Variants in ICAM2 observed in about 807,000 individuals in gnomAD.
The protein encoded by ICAM2 is ICAM-2.
ICAM2 carries 14 observed loss-of-function variants against 19.1 expected under a neutral mutation model. The observed-to-expected ratio is 0.73, with a 90% confidence interval of 0.48 to 1.15. The LOEUF (loss-of-function observed/expected upper bound fraction) is 1.15, where lower values mean the gene tolerates loss of function less well. Among genes scored for constraint, ICAM2 ranks in the 50% most tolerant of loss-of-function variants. ICAM2 has a pLI of 0.00. For missense variants in ICAM2, 311 were observed against 355.4 expected (o/e 0.88, Z 1.00); for synonymous variants, 153 against 152.7 (o/e 1.00, Z -0.01).
intron 2 of ICAM2, chr17:64,006,251 C>T (rs1481711754): frequency 2.7e-5 from 5 of 182,382 alleles, no homozygotes; most frequent in Non-Finnish European, 1.1e-5. Flanking sequence ...GGCATGGTGG[C>T]TCATGCCTGT....
chr17:64,011,636 T>G (rs1911457972), intron 1 of ICAM2, among the ~76,000 whole-genome samples: 2 of 152,042 alleles, frequency 1.3e-5, no homozygotes, highest in Admixed American at 1.3e-4. Context: ...TGATGGCTCA[T>G]GTCTGTAATC....
At position 64,013,506 on chromosome 17, in the gene ICAM2, A is replaced by G. The variant is rs9910164; in HGVS notation, c.-44-6771T>C. On this transcript the variant is annotated intron_variant, in intron 1 of 4. Transcript: ENST00000579788. ...ATAGGGTGAGTTCCTATCTCAAAAA[A>G]GAAAAAAAAAATACTAAAACACAAA... 5.2e-3 allele frequency among the ~76,000 whole-genome samples: 787 copies of G among 151,340 alleles called. 3 individuals are homozygous for G. Among genetic ancestry groups the G allele is most frequent in the African/African-American group, 0.018 (749 of 40,706 alleles).
At position 64,003,813 on chromosome 17, in the gene ICAM2, G is replaced by A; in HGVS notation, c.480C>T (p.Thr160=). 1 of 1,614,246 alleles carries A rather than the reference G, an allele frequency of 6.2e-7. No homozygotes were observed. The highest frequency in any genetic ancestry group is 8.5e-7 in the Non-Finnish European group (1 of 1,180,054). The change falls in exon 4 of 5, where the codon ACC becomes ACT. Residue 160 remains threonine (T), a synonymous_variant. Transcript: ENST00000579788. ...GCGGAGCAGGGGCTGCCTTCCCGAA[G>A]GTCTCATAGTGCAGAGTCTCATTGC... The part of the protein sequence containing the change: ...FRGNETLHYE[T]FGKAAPAPQE...
In ICAM2 at chr17:64,006,436, G is replaced by A. The variant is rs995499359; in HGVS notation, c.61+195C>T. 1.1e-4 allele frequency: 64 copies of A among 576,960 alleles called. No individual in the cohort carries two copies. The East Asian group carries it at 1.7e-3, about 16-fold the overall frequency. 35.7% of individuals were successfully genotyped at this position (576,960 alleles called of 1,614,324 possible). A position where few individuals can be genotyped will look rare whatever the true frequency, so the allele number is the denominator to read the frequency against. On this transcript the variant is annotated intron_variant, in intron 2 of 4. Transcript: ENST00000579788. The stretch of plus-strand genomic sequence containing the variant: ...GAGGATCACCCGAGCCCAGGGAGGT[G>A]CAGTGAGCCATGATCATGCCACTGT...
chr17:64,017,278 T>A (rs150556606), intron 1 of ICAM2, among the ~76,000 whole-genome samples: 244 of 152,314 alleles, frequency 1.6e-3, no homozygotes, highest in African/African-American at 5.8e-3. Flanking sequence ...AGCTAAAAGA[T>A]CAATATTCAA....
intron 1 of ICAM2, chr17:64,007,719 T>C (rs1308199342): frequency 1.3e-5 from 2 of 152,260 alleles, no homozygotes; most frequent in African/African-American, 2.4e-5. Flanking sequence ...CCCCAAACCA[T>C]GGCCTTCATT....
At chr17:64,014,002 C>T (rs988781087) in intron 1 of ICAM2, among the ~76,000 whole-genome samples, 6 of 151,850 alleles carry the variant, frequency 4.0e-5, no homozygotes, top group East Asian at 1.9e-4. Context: ...AGTTTTAAAA[C>T]GCTTATATAT....
Position 64,005,370 on chromosome 17 carries a change from G to T in ICAM2, c.65C>A (p.Ser22Ter), listed in dbSNP as rs375032305. 1 of 1,611,882 alleles carries T rather than the reference G, an allele frequency of 6.2e-7. No homozygotes were observed. The highest frequency in any genetic ancestry group is 1.1e-5 in the South Asian group (1 of 91,008). The change falls in exon 3 of 5, where the codon TCG (serine) becomes TAG (stop). Residue 22 changes from serine (S) to a stop codon, truncating the protein, a stop_gained. Coordinates refer to ENST00000579788, the MANE Select transcript of ICAM2 (RefSeq NM_001099789.2). LOFTEE classifies it high-confidence loss of function. ...GTGTACCTCGAATACCTTCTCATCC[G>T]ATCCTGGAAAACCAGAAACACTGGG... ...ALFTLICCPG[S>*]DEKVFEVHVR...
Position 64,004,609 on chromosome 17 carries a change from C to G in ICAM2, c.328+498G>C, listed in dbSNP as rs537544178. On this transcript the variant is annotated intron_variant, in intron 3 of 4. Coordinates refer to ENST00000579788, the MANE Select transcript of ICAM2 (RefSeq NM_001099789.2). The stretch of plus-strand genomic sequence containing the variant: ...TGATGGAATGGACCCAGGTGATACC[C>G]TTAGCGCCAAGATGTCCTATCCCAG... The G allele has an allele frequency of 3.4e-5, 7 of 206,350 alleles. No homozygotes were observed. In the South Asian group the frequency reaches 6.6e-4, roughly 20 times the overall value. 12.8% of individuals were successfully genotyped at this position (206,350 alleles called of 1,614,324 possible).
chr17:64,007,308 C>CTGGA (rs1330034407), intron 1 of ICAM2, among the ~76,000 whole-genome samples: 3 of 151,832 alleles, frequency 2.0e-5, no homozygotes, highest in African/African-American at 7.3e-5. Context: ...GTCGCCCAGG[C>CTGGA]TGGAGTGCTG....
chr17:64,014,333 A>AGG (rs60825186), intron 1 of ICAM2, among the ~76,000 whole-genome samples: 2,774 of 44,106 alleles, frequency 0.063, 63 homozygotes, highest in East Asian at 0.077. Context: ...GAAGGAAGGA[A>AGG]AGAAAGAAAG....
intron 1 of ICAM2, among the ~76,000 whole-genome samples, chr17:64,014,330 G>GGAAAGAAA (rs1187209016): frequency 1.0e-3 from 32 of 31,148 alleles, no homozygotes; most frequent in African/African-American, 3.5e-3. Flanking sequence ...AAGGAAGGAA[G>GGAAAGAAA]GAAAGAAAGA....
intron 1 of ICAM2, among the ~76,000 whole-genome samples, chr17:64,019,244 G>GCGC (rs1911845156): frequency 6.6e-6 from 1 of 152,094 alleles, no homozygotes; most frequent in Non-Finnish European, 1.5e-5. Context: ...GCATAGCCAG[G>GCGC]TGCAGCAGTT....
Position 64,020,528 on chromosome 17 carries a change from T to C in ICAM2, c.-50A>G. The C allele has an allele frequency of 6.6e-6, 1 of 152,324 alleles. No homozygotes were observed. The highest frequency in any genetic ancestry group is 2.4e-5 in the African/African-American group (1 of 41,566). The allele number at this position is 152,324 out of a possible 1,614,324, so 9.4% of individuals were successfully genotyped here. A position where few individuals can be genotyped will look rare whatever the true frequency, so the allele number is the denominator to read the frequency against. Reference sequence around the variant, plus strand: ...AGTGAGAAGCTCAACCTTACCCCTGTGGGCTCCAAGAAGGGTAGCTCTGGG... The same window carrying C: ...AGTGAGAAGCTCAACCTTACCCCTGCGGGCTCCAAGAAGGGTAGCTCTGGG... On this transcript the variant is annotated 5_prime_UTR_variant, in exon 1 of 5. Coordinates refer to ENST00000579788, the MANE Select transcript of ICAM2 (RefSeq NM_001099789.2).
intron 1 of ICAM2, 77 bp from the exon 2 acceptor site, chr17:64,006,812 C>T: frequency 1.2e-6 from 1 of 833,308 alleles, no homozygotes; most frequent in Admixed American, 2.3e-5. Flanking sequence ...GACTGCATTT[C>T]CTCTCATTAT....
intron 1 of ICAM2, among the ~76,000 whole-genome samples, chr17:64,011,287 C>G (rs1911442515): frequency 6.6e-6 from 1 of 152,056 alleles, no homozygotes; most frequent in Admixed American, 6.6e-5. Context: ...ACGGTGAAAC[C>G]CTGTCTCTAC....
chr17:64,014,753 GAAAGAAAGAAAGAA>G (rs1567849907), intron 1 of ICAM2, among the ~76,000 whole-genome samples: 35 of 147,060 alleles, frequency 2.4e-4, no homozygotes, highest in South Asian at 6.6e-4. Flanking sequence ...AAGAAAGAAA[GAAAGAAAGAAAGAA>G]AAAGAAAGAA....
chr17:64,016,921 T>C (rs1335066039), intron 1 of ICAM2, among the ~76,000 whole-genome samples: 3 of 152,198 alleles, frequency 2.0e-5, no homozygotes, highest in East Asian at 1.9e-4. Context: ...ATTAAAAAAA[T>C]TGACAACATT....
chr17:64,005,426 C>T, intron 2 of ICAM2, 53 bp from the exon 3 acceptor site: 4 of 1,579,968 alleles, frequency 2.5e-6, no homozygotes, highest in Non-Finnish European at 3.4e-6. Flanking sequence ...CCCCTGCCCT[C>T]CAGTGGAGCT....
Sources: allele counts gnomAD v4.1 joint callset (sites outside exome capture counted in the v4.1 genomes callset), GRCh38; gene constraint gnomAD v4.1.1; transcripts MANE v1.5; gene names NCBI Gene and HGNC (gene_info 2026-07-23, HGNC 2026-07-21).